The following CDC123 variants were observed in gnomAD, a reference collection of about 807,000 sequenced individuals.
The protein encoded by CDC123 is cell division cycle 123.
In CDC123, 37 loss-of-function variants were observed where a neutral mutation model predicts 54.4. The ratio of observed to expected loss-of-function variants is 0.68; its 90% CI spans 0.52 to 0.89. The LOEUF (loss-of-function observed/expected upper bound fraction) is 0.89. Ranked by LOEUF, CDC123 falls within the 40% of genes least tolerant of loss-of-function variation. The probability of loss-of-function intolerance (pLI) is 0.00; values close to 1 mark genes in which losing one functional copy is unlikely to be tolerated. For synonymous variants in CDC123, 144 were observed against 136.8 expected, an observed-to-expected ratio of 1.05 and a Z score of -0.37; for missense variants, 361 against 412.1, an observed-to-expected ratio of 0.88 and a Z score of 1.07.
chr10:12,203,536 A>C (rs898203466), intron 2 of CDC123, among the ~76,000 whole-genome samples: 3 of 152,188 alleles, frequency 2.0e-5, no homozygotes, highest in African/African-American at 7.2e-5. Flanking sequence ...GTGAGAAAGC[A>C]TGCTTGGTTT....
intron 8 of CDC123, among the ~76,000 whole-genome samples, chr10:12,235,456 C>T (rs1264608432): frequency 6.6e-6 from 1 of 152,134 alleles, no homozygotes; most frequent in Non-Finnish European, 1.5e-5. Context: ...CAATAGTCTG[C>T]TTATTTCAAG....
chr10:12,231,036 G>C (rs765564450), intron 7 of CDC123, 40 bp downstream of exon 7: 5 of 1,527,574 alleles, frequency 3.3e-6, no homozygotes, highest in Admixed American at 1.8e-5. Context: ...AGATGAAGAT[G>C]TGTTGAGAAT....
chr10:12,236,287 T>C (rs1457897764), intron 8 of CDC123, among the ~76,000 whole-genome samples: 2 of 152,164 alleles, frequency 1.3e-5, no homozygotes, highest in Non-Finnish European at 2.9e-5. Context: ...ATTCCTTCCA[T>C]TTTACTAAAT....
chr10:12,235,147 T>TTTG lies in CDC123; in HGVS notation c.565+26_565+27insGTT, dbSNP rs747122023. 6.5e-4 allele frequency: 950 copies of TTTG among 1,450,996 alleles called. 5 individuals are homozygous for TTTG. In the African/African-American group the frequency reaches 0.02, roughly 30 times the overall value. The allele number at this position is 1,450,996 out of a possible 1,614,324, so 89.9% of individuals were successfully genotyped here. ...TGGTGAGTTTTTGTTTGTTTGTTTG[T>TTTG]TTTATCCTTCAAAGTCATCTTTAAA... is the stretch of plus-strand genomic sequence containing the variant. On this transcript the variant is annotated intron_variant, in intron 8 of 12. Coordinates refer to ENST00000281141, the MANE Select transcript of CDC123 (RefSeq NM_006023.3).
In CDC123 at chr10:12,214,717, G is replaced by A. The variant is rs12570018; in HGVS notation, c.238-1023G>A. ...ACAGTTTTTTCTCTCGCATAGCTGG[G>A]TTAGATCTTGGGGATCCACATAACT... On this transcript the variant is annotated intron_variant, in intron 4 of 12. Coordinates refer to ENST00000281141, the MANE Select transcript of CDC123 (RefSeq NM_006023.3). Among the ~76,000 whole-genome samples, 817 of 152,070 alleles carry A rather than the reference G, an allele frequency of 5.4e-3. 25 individuals carry two copies. In the East Asian group the frequency reaches 0.075, roughly 14 times the overall value.
At chr10:12,207,718 G>A (rs1223604045) in intron 2 of CDC123, among the ~76,000 whole-genome samples, 1 of 152,168 alleles carries the variant, frequency 6.6e-6, no homozygotes, top group Non-Finnish European at 1.5e-5. Context: ...CAGGGTGGGA[G>A]GAAGGGGACT....
chr10:12,238,518 A>G lies in CDC123; in HGVS notation c.717+33A>G, dbSNP rs747603830. On this transcript the variant is annotated intron_variant, in intron 10 of 12. Coordinates refer to ENST00000281141, the MANE Select transcript of CDC123 (RefSeq NM_006023.3). ...AAAACTCTTTCTGATATGCTTTAAT[A>G]TAAGAGCTGGTTTTATAAGCAGGCA... 1.8e-5 allele frequency: 29 copies of G among 1,602,562 alleles called. 1 individual carries two copies. Among genetic ancestry groups the G allele is most frequent in the Middle Eastern group, 3.3e-4 (2 of 6,052 alleles).
intron 4 of CDC123, among the ~76,000 whole-genome samples, chr10:12,215,188 G>A (rs191407039): frequency 1.4e-3 from 211 of 152,272 alleles, no homozygotes; most frequent in African/African-American, 4.8e-3. Flanking sequence ...CCTTGACTAA[G>A]GTTCACATTT....
At chr10:12,245,949 A>C (rs1366519177) in intron 10 of CDC123, 200 bp from the exon 11 acceptor site, 2 of 491,076 alleles carry the variant, frequency 4.1e-6, no homozygotes, top group Non-Finnish European at 7.3e-6. Flanking sequence ...GCATGCCTGT[A>C]GTCCCAGGTA....
rs187711437 is a variant in CDC123 at position 12,230,481 on chromosome 10, C to G, written c.441-467C>G. On this transcript the variant is annotated intron_variant, in intron 6 of 12. Transcript: ENST00000281141. ...GTGGTGGGATTACAGGCATGAACCA[C>G]TGCACCCATCCTGGGGTACATGGCA... Among the ~76,000 whole-genome samples, 10 of 152,346 alleles carry G rather than the reference C, an allele frequency of 6.6e-5. No individual in the cohort carries two copies. In the East Asian group the frequency reaches 1.9e-3, roughly 29 times the overall value.
intron 3 of CDC123, 122 bp from the exon 4 acceptor site, chr10:12,210,168 A>G (rs1235558556): frequency 2.2e-5 from 32 of 1,443,306 alleles, no homozygotes; most frequent in Non-Finnish European, 2.9e-5. Flanking sequence ...ATTTTCACAT[A>G]TGCTGTATTC....
chr10:12,228,901 GAC>G (rs1835862983), intron 6 of CDC123, among the ~76,000 whole-genome samples: 1 of 152,228 alleles, frequency 6.6e-6, no homozygotes, highest in South Asian at 2.1e-4. Flanking sequence ...TTTTTGTAGA[GAC>G]AGGGTTTTGC....
chr10:12,214,500 C>T (rs893425590), intron 4 of CDC123, among the ~76,000 whole-genome samples: 10 of 152,176 alleles, frequency 6.6e-5, no homozygotes, highest in Non-Finnish European at 2.9e-5. Context: ...CTGAAGTCGT[C>T]TAGTGGAAGA....
chr10:12,196,494 C>T (rs907601044), intron 1 of CDC123, among the ~76,000 whole-genome samples, 175 bp downstream of exon 1: 22 of 152,176 alleles, frequency 1.4e-4, no homozygotes, highest in Admixed American at 6.5e-5. Flanking sequence ...AGCGAGTGTG[C>T]TGGCTAGGAG....
At chr10:12,235,229 C>A in intron 8 of CDC123, 106 bp downstream of exon 8, 3 of 890,582 alleles carry the variant, frequency 3.4e-6, no homozygotes, top group Non-Finnish European at 5.5e-6. Context: ...GGATGTCAAT[C>A]TGTTTTCATC....
intron 4 of CDC123, among the ~76,000 whole-genome samples, chr10:12,213,887 C>T (rs1564435135): frequency 6.6e-6 from 1 of 152,140 alleles, no homozygotes; most frequent in African/African-American, 2.4e-5. Flanking sequence ...GGACCTCTTC[C>T]AGATGAGATA....
intron 2 of CDC123, among the ~76,000 whole-genome samples, chr10:12,209,175 T>G (rs1411521354): frequency 6.6e-6 from 1 of 152,208 alleles, no homozygotes; most frequent in Non-Finnish European, 1.5e-5. Flanking sequence ...TTTAATGATA[T>G]CTGAGAACAG....
intron 1 of CDC123, 75 bp downstream of exon 1, chr10:12,196,394 C>T: frequency 1.9e-6 from 3 of 1,591,920 alleles, no homozygotes; most frequent in Non-Finnish European, 2.6e-6. Flanking sequence ...TACTGCTATC[C>T]AAAAAAATGC....
At chr10:12,236,347 C>G (rs972272483) in intron 8 of CDC123, among the ~76,000 whole-genome samples, 1 of 152,040 alleles carries the variant, frequency 6.6e-6, no homozygotes, top group African/African-American at 2.4e-5. Flanking sequence ...ACCTGTAATC[C>G]CAACAGTTTG....
Sources: allele counts gnomAD v4.1 joint callset (sites outside exome capture counted in the v4.1 genomes callset), GRCh38; gene constraint gnomAD v4.1.1; transcripts MANE v1.5; gene names NCBI Gene and HGNC (gene_info 2026-07-23, HGNC 2026-07-21).